TSHZ3: variants seen among roughly 807,000 people sequenced by gnomAD.
TSHZ3 encodes the protein teashirt homolog 3.
In TSHZ3, 10 loss-of-function variants were observed where a neutral mutation model predicts 64.5. The ratio of observed to expected loss-of-function variants is 0.16; its 90% CI spans 0.10 to 0.26. The LOEUF (loss-of-function observed/expected upper bound fraction) is 0.26, where lower values mean the gene tolerates loss of function less well. Ranked by LOEUF, TSHZ3 falls within the 10% of genes least tolerant of loss-of-function variation. The pLI, the probability that TSHZ3 is intolerant of heterozygous loss-of-function variation, is 1.00. For missense variants in TSHZ3, 1,242 were observed against 1,421.7 expected (o/e 0.87, Z 2.03); for synonymous variants, 608 against 593.1 (o/e 1.03, Z -0.36).
intron 1 of TSHZ3, among the ~76,000 whole-genome samples, chr19:31,248,674 C>T (rs2145189716): frequency 6.6e-6 from 1 of 151,034 alleles, no homozygotes; most frequent in Middle Eastern, 3.4e-3. Flanking sequence ...GCCTGTGGTC[C>T]CAGCTACTTG....
chr19:31,332,182 T>C (rs1917116154), intron 1 of TSHZ3, among the ~76,000 whole-genome samples: 1 of 152,204 alleles, frequency 6.6e-6, no homozygotes, highest in Non-Finnish European at 1.5e-5. Flanking sequence ...CCCGGCCTCC[T>C]GACAATATAA....
At chr19:31,257,675 C>A (rs1222490365) in intron 1 of TSHZ3, among the ~76,000 whole-genome samples, 2 of 151,808 alleles carry the variant, frequency 1.3e-5, no homozygotes. Context: ...GCCGGCTGCA[C>A]GGGACTATGC....
chr19:31,246,687 C>T (rs184325357), intron 1 of TSHZ3, among the ~76,000 whole-genome samples: 36 of 152,178 alleles, frequency 2.4e-4, no homozygotes, highest in Admixed American at 5.2e-4. Flanking sequence ...TATGCATACG[C>T]ACAGAGGACC....
At chr19:31,180,055 C>T (rs976392664) in intron 5 of TSHZ3, among the ~76,000 whole-genome samples, 2 of 152,058 alleles carry the variant, frequency 1.3e-5, no homozygotes, top group Non-Finnish European at 2.9e-5. Context: ...TTGGTAAAGC[C>T]CCTGGTCCTG....
chr19:31,235,774 G>T (rs138260512), intron 3 of TSHZ3, among the ~76,000 whole-genome samples: 1 of 133,548 alleles, frequency 7.5e-6, no homozygotes, highest in Admixed American at 8.1e-5. Context: ...GCAGTGGCAC[G>T]ATCTCTACTC....
chr19:31,277,990 G>A lies in TSHZ3; in HGVS notation c.1803C>T (p.Pro601=). ...TGGCATGAAAGTTTGTCTTGGGCAT[G>A]GGGGACGTCTGGCTGCTGGGTGGAG... is the stretch of plus-strand genomic sequence containing the variant. ...LVSPPSSQTS[P]MPKTNFHAME... The change falls in exon 2 of 2, where the codon CCC becomes CCT. Residue 601 remains proline (P), a synonymous_variant. Coordinates refer to ENST00000240587, the MANE Select transcript of TSHZ3 (RefSeq NM_020856.4). This position sits in a 1 kb window ranked among gnomAD's most constrained non-coding sequence, Gnocchi z 4.5. 2 of 1,614,182 alleles carry A rather than the reference G, an allele frequency of 1.2e-6. No homozygotes were observed. The highest frequency in any genetic ancestry group is 1.3e-5 in the African/African-American group (1 of 75,056).
chr19:31,259,543 T>G (rs1160296497), intron 1 of TSHZ3, among the ~76,000 whole-genome samples: 1 of 152,016 alleles, frequency 6.6e-6, no homozygotes, highest in Non-Finnish European at 1.5e-5. Context: ...GGCTGGGGTC[T>G]GTGGTCCTGG....
At chr19:31,239,666 C>T (rs191330428) in intron 3 of TSHZ3, among the ~76,000 whole-genome samples, 5 of 151,986 alleles carry the variant, frequency 3.3e-5, no homozygotes, top group Admixed American at 6.5e-5. Flanking sequence ...ACTACAGCCT[C>T]GACATTCTGG....
At chr19:31,327,476 G>A (rs1198605149) in intron 1 of TSHZ3, among the ~76,000 whole-genome samples, 1 of 152,204 alleles carries the variant, frequency 6.6e-6, no homozygotes, top group East Asian at 1.9e-4. Context: ...TGAGAGGGAA[G>A]GAAAATGCAC....
intron 1 of TSHZ3, among the ~76,000 whole-genome samples, chr19:31,340,065 A>G (rs1220278568): frequency 6.6e-6 from 1 of 151,978 alleles, no homozygotes; most frequent in Non-Finnish European, 1.5e-5. Flanking sequence ...ATTTTAAAGG[A>G]AAAAAATGTG....
In TSHZ3 at chr19:31,213,627, G is replaced by A. The variant is rs180722697; in HGVS notation, n.687-8549C>T. Among the ~76,000 whole-genome samples the A allele has an allele frequency of 1.7e-3, 255 of 152,294 alleles. 1 individual carries two copies. The highest frequency in any genetic ancestry group is 2.9e-3 in the Non-Finnish European group (199 of 68,028). ...GTAACAAAGGTACCACCCTGGTGGG[G>A]GATGTTGGTAACGGGGTGATTGCAT... is the stretch of plus-strand genomic sequence containing the variant. On this transcript the variant is annotated intron_variant and non_coding_transcript_variant, in intron 4 of 6. Transcript: ENST00000651361.
intron 4 of TSHZ3, among the ~76,000 whole-genome samples, chr19:31,209,452 G>T (rs1047866999): frequency 6.6e-6 from 1 of 152,152 alleles, no homozygotes; most frequent in Admixed American, 6.5e-5. Context: ...CCACTGAGTG[G>T]TTATAGGACT....
intron 1 of TSHZ3, among the ~76,000 whole-genome samples, chr19:31,287,035 G>A (rs1464263048): frequency 6.6e-6 from 1 of 152,200 alleles, no homozygotes; most frequent in African/African-American, 2.4e-5. Flanking sequence ...TCATTTCTGG[G>A]CAAGGTGGAA....
At chr19:31,238,549 C>A (rs935595512) in intron 3 of TSHZ3, among the ~76,000 whole-genome samples, 2 of 152,292 alleles carry the variant, frequency 1.3e-5, no homozygotes, top group South Asian at 2.1e-4. Flanking sequence ...AGCCATTGTG[C>A]CCGGCTATGA....
chr19:31,254,948 G>A (rs1489926576), intron 1 of TSHZ3, among the ~76,000 whole-genome samples: 1 of 152,176 alleles, frequency 6.6e-6, no homozygotes, highest in Non-Finnish European at 1.5e-5. Context: ...TGGTGCTGGG[G>A]GCAGGTGCCT....
intron 6 of TSHZ3, among the ~76,000 whole-genome samples, chr19:31,156,344 G>A (rs1247506329): frequency 1.3e-5 from 2 of 152,132 alleles, no homozygotes; most frequent in African/African-American, 2.4e-5. Context: ...AATAATTCCA[G>A]TCTCCAAATA....
chr19:31,235,743 C>T (rs1975606684), intron 3 of TSHZ3, among the ~76,000 whole-genome samples: 1 of 117,736 alleles, frequency 8.5e-6, no homozygotes, highest in South Asian at 3.2e-4. Context: ...CAGAATCTCA[C>T]TCTGTCGCCC....
intron 1 of TSHZ3, among the ~76,000 whole-genome samples, chr19:31,290,713 G>A (rs1021072207): frequency 6.6e-6 from 1 of 152,116 alleles, no homozygotes; most frequent in African/African-American, 2.4e-5. Flanking sequence ...GGCCTTCCAG[G>A]CATCGCTGCT....
chr19:31,165,282 T>C (rs1169631494), intron 5 of TSHZ3, among the ~76,000 whole-genome samples: 1 of 152,242 alleles, frequency 6.6e-6, no homozygotes, highest in Admixed American at 6.5e-5. Flanking sequence ...TATCCTGGCC[T>C]GAACTTCAGG....
Sources: allele counts gnomAD v4.1 joint callset (sites outside exome capture counted in the v4.1 genomes callset), GRCh38; gene constraint gnomAD v4.1.1; non-coding constraint Gnocchi (gnomAD v3.1); transcripts MANE v1.5; gene names NCBI Gene and HGNC (gene_info 2026-07-23, HGNC 2026-07-21).